The following NCOR1 variants were observed in gnomAD, a reference collection of about 807,000 sequenced individuals.
NCOR1 encodes nuclear receptor corepressor 1.
Under a neutral mutation model 288.1 loss-of-function variants are expected in NCOR1, and 63 were observed. That is an observed-to-expected ratio of 0.22 (90% CI 0.18 to 0.27). The LOEUF is 0.27. Among genes scored for constraint, NCOR1 ranks in the 10% least tolerant of loss-of-function variants. NCOR1 has a pLI of 1.00. For synonymous variants in NCOR1, 1,007 were observed against 1,065.9 expected, an observed-to-expected ratio of 0.94 and a Z score of 1.08; for missense variants, 2,397 against 3,019.2, an observed-to-expected ratio of 0.79 and a Z score of 4.83.
chr17:16,098,235 C>T (rs75706055), intron 21 of NCOR1, 132 bp downstream of exon 21: 25,273 of 870,706 alleles, frequency 0.029, 451 homozygotes, highest in East Asian at 0.051. Context: ...GAATTGGTTA[C>T]GATTATTAAT....
At chr17:16,098,291 T>C in intron 21 of NCOR1, 76 bp downstream of exon 21, 1 of 1,439,946 alleles carries the variant, frequency 6.9e-7, no homozygotes, top group Non-Finnish European at 9.6e-7. Flanking sequence ...AAGAACCAAT[T>C]AAAGAACAGA....
At chr17:16,085,088 G>A (rs1330549185) in intron 23 of NCOR1, among the ~76,000 whole-genome samples, 1 of 152,136 alleles carries the variant, frequency 6.6e-6, no homozygotes, top group Non-Finnish European at 1.5e-5. Context: ...CTACAACACA[G>A]TATCAAAAAG....
intron 9 of NCOR1, among the ~76,000 whole-genome samples, chr17:16,147,953 G>A (rs532802201): frequency 6.6e-6 from 1 of 152,334 alleles, no homozygotes; most frequent in South Asian, 2.1e-4. Context: ...GAGTAGCTGA[G>A]TTTACAAGCA....
chr17:16,072,332 TGAAGGAAG>T, intron 28 of NCOR1, 104 bp from the exon 29 acceptor site: 1 of 777,910 alleles, frequency 1.3e-6, no homozygotes, highest in Non-Finnish European at 2.0e-6. Context: ...AAATGCTCTA[TGAAGGAAG>T]GAATGTCAAT....
intron 14 of NCOR1, among the ~76,000 whole-genome samples, chr17:16,127,196 T>C (rs2074272568): frequency 1.4e-5 from 2 of 147,784 alleles, no homozygotes; most frequent in Admixed American, 1.4e-4. Context: ...TATGTATATA[T>C]ACATGTATGT....
In NCOR1 at chr17:16,086,882, G is replaced by A. The variant is rs150453145; in HGVS notation, c.3017-440C>T. On this transcript the variant is annotated intron_variant, in intron 22 of 45. Coordinates refer to ENST00000268712, the MANE Select transcript of NCOR1 (RefSeq NM_006311.4). Reference sequence around the variant, plus strand: ...ACACTTACTGATTCTGGCTCTCACAGAACACTTGAATTTTGGGGATGGGGA... The same window carrying A: ...ACACTTACTGATTCTGGCTCTCACAAAACACTTGAATTTTGGGGATGGGGA... 3.1e-3 allele frequency among the ~76,000 whole-genome samples: 466 copies of A among 152,276 alleles called. 4 individuals are homozygous for A. The highest frequency in any genetic ancestry group is 0.011 in the African/African-American group (437 of 41,544).
At chr17:16,143,552 G>T in intron 11 of NCOR1, 54 bp downstream of exon 11, 1 of 1,420,468 alleles carries the variant, frequency 7.0e-7, no homozygotes, top group Non-Finnish European at 9.9e-7. Context: ...CTCCTACAGA[G>T]TTAAAATGCT....
In NCOR1 at chr17:16,098,486, T is replaced by C. The variant is rs745346248; in HGVS notation, c.2701A>G (p.Met901Val). Residue 901 changes from methionine to valine, a missense_variant, in exon 21 of 46, where the codon ATG becomes GTG. Coordinates refer to ENST00000268712, the MANE Select transcript of NCOR1 (RefSeq NM_006311.4). ...GEPERQRMFPMDSKPSLLNPT... is the reference protein window; with the variant it reads ...GEPERQRMFPVDSKPSLLNPT... ...TTTAACAGTGAAGGCTTTGAGTCCATAGGAAACATTCTGCAATTGCAATTT... is the reference window on the plus strand; with the variant it reads ...TTTAACAGTGAAGGCTTTGAGTCCACAGGAAACATTCTGCAATTGCAATTT... 3.2e-5 allele frequency: 51 copies of C among 1,605,546 alleles called. No individual in the cohort carries two copies. The highest frequency in any genetic ancestry group is 3.8e-5 in the Non-Finnish European group (45 of 1,176,764).
intron 37 of NCOR1, among the ~76,000 whole-genome samples, chr17:16,059,877 T>C (rs913926091): frequency 8.5e-5 from 13 of 152,160 alleles, no homozygotes; most frequent in South Asian, 6.2e-4. Flanking sequence ...ACTTAGGAGA[T>C]TGGAAACTTG....
chr17:16,040,220 G>C (rs1212474826), intron 43 of NCOR1: 1 of 649,148 alleles, frequency 1.5e-6, no homozygotes, highest in African/African-American at 1.8e-5. Flanking sequence ...TTCTTTAATA[G>C]TTTCATTCTT....
At chr17:16,082,718 G>C (rs1377552653) in intron 23 of NCOR1, among the ~76,000 whole-genome samples, 1 of 144,884 alleles carries the variant, frequency 6.9e-6, no homozygotes, top group Middle Eastern at 3.3e-3. Context: ...TTTTAGGAGA[G>C]AGAAAAAGAA....
At chr17:16,168,551 A>C (rs2082487739) in intron 4 of NCOR1, among the ~76,000 whole-genome samples, 1 of 151,960 alleles carries the variant, frequency 6.6e-6, no homozygotes, top group Non-Finnish European at 1.5e-5. Flanking sequence ...AACTGGCCCT[A>C]CTCTTTTGCA....
At chr17:16,213,804 A>T (rs1007523690) in intron 1 of NCOR1, among the ~76,000 whole-genome samples, 4 of 152,248 alleles carry the variant, frequency 2.6e-5, no homozygotes, top group African/African-American at 7.2e-5. Context: ...CCAAAATCAC[A>T]TAGTTAGAGC....
Position 16,153,078 on chromosome 17 carries a change from T to C in NCOR1, c.789+261A>G, listed in dbSNP as rs2079124410. The stretch of plus-strand genomic sequence containing the variant: ...CAGTAACATTCAAAGAGCTTTCTAA[T>C]TCTGTTCTTAATTCTCATTCTGCCT... On this transcript the variant is annotated intron_variant, in intron 7 of 45. Transcript: ENST00000268712. 2.6e-5 allele frequency among the ~76,000 whole-genome samples: 4 copies of C among 152,252 alleles called. No individual in the cohort carries two copies. In the South Asian group the frequency reaches 8.3e-4, roughly 32 times the overall value.
intron 1 of NCOR1, among the ~76,000 whole-genome samples, chr17:16,205,555 AG>A: frequency 6.6e-6 from 1 of 151,642 alleles, no homozygotes; most frequent in Admixed American, 6.6e-5. Flanking sequence ...TGGGAGGCGG[AG>A]GTTGCAGTGA....
intron 5 of NCOR1, among the ~76,000 whole-genome samples, chr17:16,161,230 GACACACACACACACACACACAC>G (rs67635232): frequency 3.5e-5 from 5 of 143,122 alleles, no homozygotes; most frequent in African/African-American, 1.0e-4. Context: ...AACACACACA[GACACACACACACACACACACAC>G]ACACACACAC....
intron 15 of NCOR1, among the ~76,000 whole-genome samples, chr17:16,122,925 C>T (rs1315292361): frequency 6.6e-6 from 1 of 152,140 alleles, no homozygotes; most frequent in Non-Finnish European, 1.5e-5. Flanking sequence ...GTGCTGGGTT[C>T]CTCTCATCCC....
chr17:16,111,737 C>T (rs940954489), intron 18 of NCOR1, among the ~76,000 whole-genome samples: 1 of 152,172 alleles, frequency 6.6e-6, no homozygotes, highest in East Asian at 1.9e-4. Flanking sequence ...ACACTGGACT[C>T]ACCAACCCTC....
rs2152722467 is a variant in NCOR1 at position 16,070,200 on chromosome 17, G to T, written c.4478C>A (p.Ser1493Tyr). Residue 1493 changes from serine to tyrosine, a missense_variant, in exon 31 of 46, where the codon TCC becomes TAC. Physicochemically the swap from Ser to Tyr is moderately radical, Grantham distance 144 (BLOSUM62 -2). This residue lies in a region of NCOR1 where 1,872 missense variants were observed against 2,187.8 expected (regional missense o/e 0.86). Coordinates refer to ENST00000268712, the MANE Select transcript of NCOR1 (RefSeq NM_006311.4). ...RTPVSYQNTM[S>Y]RGSPMMNRTS... ...TCTGTTCATCATGGGTGAGCCTCTG[G>T]ACATGGTGTTTTGATAACTCACAGG... 1 of 1,613,478 alleles carries T rather than the reference G, an allele frequency of 6.2e-7. No homozygotes were observed. Among genetic ancestry groups the T allele is most frequent in the Non-Finnish European group, 8.5e-7 (1 of 1,179,932 alleles).
Sources: gnomAD v4.1 joint callset for allele counts (sites outside exome capture counted in the v4.1 genomes callset) on GRCh38, gnomAD v4.1.1 for gene constraint, gnomAD v4.1.1 regional missense constraint, MANE v1.5 for transcripts, NCBI Gene and HGNC (gene_info 2026-07-23, HGNC 2026-07-21) for gene names.